Variants in L3MBTL4 observed in about 807,000 individuals in gnomAD.
L3MBTL4 encodes the protein lethal(3)malignant brain tumor-like protein 4.
Under a neutral mutation model 84.5 loss-of-function variants are expected in L3MBTL4, and 70 were observed. The ratio of observed to expected loss-of-function variants is 0.83; its 90% CI spans 0.68 to 1.01. The LOEUF (loss-of-function observed/expected upper bound fraction) is 1.01, where lower values mean the gene tolerates loss of function less well. Ranked by LOEUF, L3MBTL4 falls within the 50% of genes least tolerant of loss-of-function variation. The pLI is 0.00. For missense variants in L3MBTL4, 715 were observed against 754.8 expected (o/e 0.95, Z 0.62); for synonymous variants, 274 against 259.8 (o/e 1.05, Z -0.52).
chr18:6,406,248 T>G (rs2055729749), intron 1 of L3MBTL4, among the ~76,000 whole-genome samples: 1 of 152,224 alleles, frequency 6.6e-6, no homozygotes, highest in Admixed American at 6.5e-5. Context: ...GTGGGCAAAT[T>G]GGTCTTCAAA....
chr18:6,296,717 G>A (rs2050123080), intron 4 of L3MBTL4, among the ~76,000 whole-genome samples: 1 of 152,150 alleles, frequency 6.6e-6, no homozygotes, highest in Admixed American at 6.5e-5. Flanking sequence ...GGGGGGTTAT[G>A]AGGCACTCCA....
rs200832379 is a variant in L3MBTL4 at position 6,171,827 on chromosome 18, C to A, written c.1096+1G>T. 1 of 1,523,240 alleles carries A rather than the reference C, an allele frequency of 6.6e-7. No homozygotes were observed. The highest frequency in any genetic ancestry group is 8.9e-7 in the Non-Finnish European group (1 of 1,123,654). The allele number at this position is 1,523,240 out of a possible 1,614,324, so 94.4% of individuals were successfully genotyped here. On this transcript the variant is annotated splice_donor_variant, in intron 13 of 18. Coordinates refer to ENST00000317931, the MANE Select transcript of L3MBTL4 (RefSeq NM_001330559.2). LOFTEE classifies it high-confidence loss of function. ...GCAACAACAAAGAGCAAAGTACTCA[C>A]GCTGTGGCACTTCCAGTGGATGCCC...
At chr18:6,410,458 T>G (rs2144747671) in intron 1 of L3MBTL4, among the ~76,000 whole-genome samples, 1 of 152,062 alleles carries the variant, frequency 6.6e-6, no homozygotes, top group South Asian at 2.1e-4. Context: ...ATACACACAG[T>G]GGACACCCAA....
At chr18:6,054,678 AAC>A (rs578192708) in intron 16 of L3MBTL4, among the ~76,000 whole-genome samples, 149 of 152,308 alleles carry the variant, frequency 9.8e-4, no homozygotes, top group Non-Finnish European at 1.5e-3. Context: ...CAAACAGATT[AAC>A]GCTTCGCCAC....
intron 16 of L3MBTL4, among the ~76,000 whole-genome samples, chr18:6,077,540 T>G (rs1465001313): frequency 6.6e-6 from 1 of 152,268 alleles, no homozygotes; most frequent in East Asian, 1.9e-4. Context: ...CAAGCATACA[T>G]ATGGTGAATA....
chr18:6,255,604 T>C (rs977260835), intron 5 of L3MBTL4, among the ~76,000 whole-genome samples: 2 of 152,190 alleles, frequency 1.3e-5, no homozygotes, highest in African/African-American at 4.8e-5. Context: ...ACTCTATTTT[T>C]AAAATACAGT....
chr18:6,232,956 A>G (rs999646091), intron 10 of L3MBTL4, among the ~76,000 whole-genome samples: 1 of 152,200 alleles, frequency 6.6e-6, no homozygotes, highest in Non-Finnish European at 1.5e-5. Flanking sequence ...CAGCACATCA[A>G]AAAGCTAATC....
intron 16 of L3MBTL4, among the ~76,000 whole-genome samples, chr18:6,050,256 C>A (rs2056792102): frequency 6.6e-6 from 1 of 152,182 alleles, no homozygotes; most frequent in African/African-American, 2.4e-5. Flanking sequence ...CTTGCGTAAT[C>A]TGACTTCTCA....
chr18:6,286,930 A>C (rs1368879862), intron 4 of L3MBTL4, among the ~76,000 whole-genome samples: 1 of 152,168 alleles, frequency 6.6e-6, no homozygotes, highest in Admixed American at 6.5e-5. Context: ...TTTTCATCAG[A>C]GAGCTGAATG....
intron 16 of L3MBTL4, among the ~76,000 whole-genome samples, chr18:6,028,818 T>C (rs560472744): frequency 6.6e-6 from 1 of 152,264 alleles, no homozygotes; most frequent in East Asian, 1.9e-4. Context: ...AGCTAGTGTT[T>C]ATACTAATGA....
rs1428540025 is a variant in L3MBTL4, at chr18:6,249,887, G to A, written c.220-5299C>T. ...TTACAGATCGACTCGAGCCCAGAAGGGTGAATAAACTTTCTCTAGGTCACA... is the reference window on the plus strand; with the variant it reads ...TTACAGATCGACTCGAGCCCAGAAGAGTGAATAAACTTTCTCTAGGTCACA... On this transcript the variant is annotated intron_variant, in intron 5 of 18. Coordinates refer to ENST00000317931, the MANE Select transcript of L3MBTL4 (RefSeq NM_001330559.2). 2.6e-5 allele frequency among the ~76,000 whole-genome samples: 4 copies of A among 152,156 alleles called. No homozygotes were observed. The East Asian group carries it at 7.7e-4, about 29-fold the overall frequency.
intron 4 of L3MBTL4, among the ~76,000 whole-genome samples, chr18:6,267,995 C>T (rs2146431589): frequency 6.6e-6 from 1 of 152,276 alleles, no homozygotes; most frequent in Admixed American, 6.5e-5. Flanking sequence ...AGCACTTTAG[C>T]TGAAATTAAC....
intron 12 of L3MBTL4, among the ~76,000 whole-genome samples, chr18:6,177,772 G>C (rs1222215319): frequency 6.6e-6 from 1 of 152,180 alleles, no homozygotes; most frequent in African/African-American, 2.4e-5. Flanking sequence ...AATATTCAAG[G>C]TGTGAACAGG....
At chr18:6,220,997 C>T (rs1182772284) in intron 10 of L3MBTL4, among the ~76,000 whole-genome samples, 1 of 152,074 alleles carries the variant, frequency 6.6e-6, no homozygotes, top group African/African-American at 2.4e-5. Context: ...TCTGTGGCAT[C>T]TATACAATGC....
intron 16 of L3MBTL4, among the ~76,000 whole-genome samples, chr18:5,989,296 C>T (rs1262863733): frequency 6.6e-6 from 1 of 152,162 alleles, no homozygotes; most frequent in Admixed American, 6.5e-5. Context: ...ACATGGCCTA[C>T]AAAATGCTAA....
intron 3 of L3MBTL4, among the ~76,000 whole-genome samples, chr18:6,310,275 G>A (rs1294079050): frequency 6.6e-6 from 1 of 152,194 alleles, no homozygotes; most frequent in Non-Finnish European, 1.5e-5. Context: ...CTCTTAAATA[G>A]AAAGTTCTTC....
At chr18:6,398,570 C>T (rs1409173948) in intron 1 of L3MBTL4, among the ~76,000 whole-genome samples, 2 of 152,124 alleles carry the variant, frequency 1.3e-5, no homozygotes, top group African/African-American at 4.8e-5. Context: ...TGAAATAGTC[C>T]TTTCCTCTGT....
In L3MBTL4 at chr18:6,180,112, T is replaced by A. The variant is rs1404003924; in HGVS notation, c.982-8170A>T. 2.0e-5 allele frequency among the ~76,000 whole-genome samples: 3 copies of A among 152,088 alleles called. No homozygotes were observed. The East Asian group carries it at 5.8e-4, about 29-fold the overall frequency. On this transcript the variant is annotated intron_variant, in intron 12 of 18. Transcript: ENST00000317931. ...AAGAAAATAAATCAGGAAAACAATATAACTGACTAAATGAGGGATATAGTC... is the reference window on the plus strand; with the variant it reads ...AAGAAAATAAATCAGGAAAACAATAAAACTGACTAAATGAGGGATATAGTC...
At chr18:6,013,643 C>T (rs1419556516) in intron 16 of L3MBTL4, among the ~76,000 whole-genome samples, 1 of 152,212 alleles carries the variant, frequency 6.6e-6, no homozygotes, top group African/African-American at 2.4e-5. Context: ...GCCATCTGCT[C>T]TTGAAGTACT....
Sources: allele counts gnomAD v4.1 joint callset (sites outside exome capture counted in the v4.1 genomes callset), GRCh38; gene constraint gnomAD v4.1.1; transcripts MANE v1.5; gene names NCBI Gene and HGNC (gene_info 2026-07-23, HGNC 2026-07-21).